The following PCDHGB1 variants were observed in gnomAD, a reference collection of about 807,000 sequenced individuals.
The protein encoded by PCDHGB1 is protocadherin gamma subfamily B, 1.
Under a neutral mutation model 56.6 loss-of-function variants are expected in PCDHGB1, and 34 were observed. The ratio of observed to expected loss-of-function variants is 0.60; its 90% confidence interval spans 0.46 to 0.80. The LOEUF (loss-of-function observed/expected upper bound fraction) is 0.80, where lower values mean the gene tolerates loss of function less well. Ranked by LOEUF, PCDHGB1 falls within the 30% of genes least tolerant of loss-of-function variation. The pLI is 0.00. For missense variants in PCDHGB1, 1,278 were observed against 1,204.6 expected (o/e 1.06, Z -0.90); for synonymous variants, 561 against 505.9 (o/e 1.11, Z -1.46).
chr5:141,504,380 C>T (rs943816582), intron 2 of PCDHGB1, among the ~76,000 whole-genome samples: 1 of 152,088 alleles, frequency 6.6e-6, no homozygotes, highest in African/African-American at 2.4e-5. Flanking sequence ...GGTGGAGTCG[C>T]TGCCTCACAG....
Position 141,389,843 on chromosome 5 carries a change from G to C in PCDHGB1, c.2409+37174G>C, listed in dbSNP as rs372102656. On this transcript the variant is annotated intron_variant, in intron 1 of 3. Coordinates refer to ENST00000523390, the MANE Select transcript of PCDHGB1 (RefSeq NM_018922.3). The stretch of plus-strand genomic sequence containing the variant: ...GTGACGGTGGACAGCCACCACTCTC[G>C]GCCACTGCCACGTTGCACCTGGTCT... 2.4e-5 allele frequency: 39 copies of C among 1,614,016 alleles called. No homozygotes were observed. The African/African-American group carries it at 4.1e-4, about 17-fold the overall frequency.
chr5:141,459,510 T>G (rs1449866159), intron 1 of PCDHGB1, among the ~76,000 whole-genome samples: 1 of 152,252 alleles, frequency 6.6e-6, no homozygotes, highest in Non-Finnish European at 1.5e-5. Context: ...TGAACAATCA[T>G]GTACAAGTAT....
intron 1 of PCDHGB1, among the ~76,000 whole-genome samples, chr5:141,369,779 C>G (rs2149951458): frequency 6.6e-6 from 1 of 152,242 alleles, no homozygotes; most frequent in South Asian, 2.1e-4. Flanking sequence ...TATTTCAAGC[C>G]TCTTTATACT....
chr5:141,493,140 C>T lies in PCDHGB1; in HGVS notation c.2410-1667C>T, dbSNP rs2099746336. Among the ~76,000 whole-genome samples, 1 of 146,374 alleles carries T rather than the reference C, an allele frequency of 6.8e-6. No homozygotes were observed. Among genetic ancestry groups the T allele is most frequent in the African/African-American group, 2.5e-5 (1 of 40,746 alleles). ...GCTCCTAGGACTGTATTTTGAAACACCCCCAGGTGATTTTGATAGCTGATT... is the reference window on the plus strand; with the variant it reads ...GCTCCTAGGACTGTATTTTGAAACATCCCCAGGTGATTTTGATAGCTGATT... On this transcript the variant is annotated intron_variant, in intron 1 of 3. Transcript: ENST00000523390. This position sits in a 1 kb window ranked among gnomAD's most constrained non-coding sequence, Gnocchi z 4.3.
At position 141,409,469 on chromosome 5, in the gene PCDHGB1, G is replaced by A. The variant is rs1477896340; in HGVS notation, c.2409+56800G>A. On this transcript the variant is annotated intron_variant, in intron 1 of 3. Coordinates refer to ENST00000523390, the MANE Select transcript of PCDHGB1 (RefSeq NM_018922.3). ...GACACCAGAATACAATGTCACCATC[G>A]TAGCCACTGACAGGGGCAAGCCGCC... 9 of 1,613,740 alleles carry A rather than the reference G, an allele frequency of 5.6e-6. No individual in the cohort carries two copies. The African/African-American group carries it at 1.1e-4, about 19-fold the overall frequency.
chr5:141,366,938 A>G (rs1177560870), intron 1 of PCDHGB1: 1 of 843,674 alleles, frequency 1.2e-6, no homozygotes, highest in Non-Finnish European at 1.8e-6. Flanking sequence ...TGGGAAGTCT[A>G]GCTGATATCT....
At chr5:141,362,250 C>A (rs997382173) in intron 1 of PCDHGB1, 5 of 1,614,018 alleles carry the variant, frequency 3.1e-6, no homozygotes, top group Non-Finnish European at 4.2e-6. Flanking sequence ...TCTTCTTCCT[C>A]GCGGTGATTC....
At position 141,484,465 on chromosome 5, in the gene PCDHGB1, A is replaced by G. The variant is rs2099596840; in HGVS notation, c.2410-10342A>G. On this transcript the variant is annotated intron_variant, in intron 1 of 3. Coordinates refer to ENST00000523390, the MANE Select transcript of PCDHGB1 (RefSeq NM_018922.3). ...ATTTAATTGGCTACGTTAATGTGTA[A>G]GCCTTTTCTGCAAAGAGATGGATCC... is the stretch of plus-strand genomic sequence containing the variant. Among the ~76,000 whole-genome samples, 4 of 152,236 alleles carry G rather than the reference A, an allele frequency of 2.6e-5. No individual in the cohort carries two copies. In the South Asian group the frequency reaches 6.2e-4, roughly 24 times the overall value.
In PCDHGB1 at chr5:141,352,730, C is replaced by G. The variant is rs925966366; in HGVS notation, c.2409+61C>G. 7.9e-6 allele frequency: 12 copies of G among 1,518,298 alleles called. No homozygotes were observed. The Admixed American group carries it at 1.2e-4, about 15-fold the overall frequency. 94.1% of individuals were successfully genotyped at this position (1,518,298 alleles called of 1,614,324 possible). A position where few individuals can be genotyped will look rare whatever the true frequency, so the allele number is the denominator to read the frequency against. Reference sequence around the variant, plus strand: ...GGCGGCCGGGCGCGGTGGCTCAAGCCTGTAATCCCAGCACTTAACCAGGCT... The same window carrying G: ...GGCGGCCGGGCGCGGTGGCTCAAGCGTGTAATCCCAGCACTTAACCAGGCT... On this transcript the variant is annotated intron_variant, in intron 1 of 3. Coordinates refer to ENST00000523390, the MANE Select transcript of PCDHGB1 (RefSeq NM_018922.3).
At chr5:141,389,638 T>C in intron 1 of PCDHGB1, 1 of 1,612,986 alleles carries the variant, frequency 6.2e-7, no homozygotes, top group Non-Finnish European at 8.5e-7. Flanking sequence ...CCTGGCTACT[T>C]GGTGACCAAG....
intron 1 of PCDHGB1, chr5:141,419,186 A>G: frequency 1.2e-6 from 2 of 1,613,940 alleles, no homozygotes; most frequent in Non-Finnish European, 1.7e-6. Context: ...CCTGCACATT[A>G]CTGACGTCAA....
In PCDHGB1 at chr5:141,402,676, C is replaced by T. The variant is rs746643713; in HGVS notation, c.2409+50007C>T. 2.0e-5 allele frequency among the ~76,000 whole-genome samples: 3 copies of T among 152,282 alleles called. No homozygotes were observed. The East Asian group carries it at 5.8e-4, about 29-fold the overall frequency. ...GAGTAGTGTTTTCTTTATCAGCCAT[C>T]TGATATAATGTTACACATCAGTGGG... On this transcript the variant is annotated intron_variant, in intron 1 of 3. Transcript: ENST00000523390.
intron 1 of PCDHGB1, chr5:141,370,240 G>A: frequency 1.6e-6 from 1 of 624,266 alleles, no homozygotes; most frequent in Non-Finnish European, 2.6e-6. Flanking sequence ...CGGAAGAAAA[G>A]TGCACTCTCT....
chr5:141,361,157 A>C, intron 1 of PCDHGB1: 1 of 1,613,974 alleles, frequency 6.2e-7, no homozygotes, highest in African/African-American at 1.3e-5. Context: ...CTTGATGACA[A>C]CGATTGTGCA....
chr5:141,511,276 T>C lies in PCDHGB1; in HGVS notation c.*103T>C. On this transcript the variant is annotated 3_prime_UTR_variant, in exon 4 of 4. Coordinates refer to ENST00000523390, the MANE Select transcript of PCDHGB1 (RefSeq NM_018922.3). ...AGAGTTTCAGGGCTAACCCCCAGAA[T>C]ACTGGTAGGGGCCAAGGCCATGCTC... 6.5e-7 allele frequency: 1 copy of C among 1,538,084 alleles called. No homozygotes were observed. Among genetic ancestry groups the C allele is most frequent in the Non-Finnish European group, 8.8e-7 (1 of 1,140,720 alleles).
rs953182246 is a variant in PCDHGB1, at chr5:141,511,757, C to T, written c.*584C>T. ...CTCAAGTTTTGGAGGACATGATCAC[C>T]ATCCCCATGGTACTGATGCTTGCTG... is the stretch of plus-strand genomic sequence containing the variant. On this transcript the variant is annotated 3_prime_UTR_variant, in exon 4 of 4. Coordinates refer to ENST00000523390, the MANE Select transcript of PCDHGB1 (RefSeq NM_018922.3). The T allele has an allele frequency of 6.9e-5, 12 of 174,122 alleles. No individual in the cohort carries two copies. The highest frequency in any genetic ancestry group is 2.8e-4 in the African/African-American group (12 of 42,412). The allele number at this position is 174,122 out of a possible 1,614,324, so 10.8% of individuals were successfully genotyped here.
chr5:141,400,516 C>T, intron 1 of PCDHGB1: 2 of 1,613,964 alleles, frequency 1.2e-6, no homozygotes, highest in African/African-American at 1.3e-5. Context: ...GACTTCCCAT[C>T]CTGAGTTGGT....
chr5:141,510,813 C>G, intron 3 of PCDHGB1, 134 bp from the exon 4 acceptor site: 2 of 1,537,024 alleles, frequency 1.3e-6, no homozygotes, highest in Non-Finnish European at 1.8e-6. Context: ...CTTGGTGACC[C>G]CTATATTCCC....
chr5:141,395,185 T>C, intron 1 of PCDHGB1: 1 of 1,614,158 alleles, frequency 6.2e-7, no homozygotes, highest in Non-Finnish European at 8.5e-7. Context: ...AATGATTCTT[T>C]GTTAACATCC....
Sources: gnomAD v4.1 joint callset for allele counts (sites outside exome capture counted in the v4.1 genomes callset) on GRCh38, gnomAD v4.1.1 for gene constraint, Gnocchi (gnomAD v3.1) non-coding constraint, MANE v1.5 for transcripts, NCBI Gene and HGNC (gene_info 2026-07-23, HGNC 2026-07-21) for gene names.